The following XRRA1 variants were observed in gnomAD, a reference collection of about 807,000 sequenced individuals.
The protein encoded by XRRA1 is X-ray radiation resistance associated 1.
A neutral mutation model predicts 80.2 loss-of-function variants in XRRA1; 69 were observed. That is an observed-to-expected ratio of 0.86 (90% CI 0.71 to 1.05). The LOEUF is 1.05. XRRA1 is among the 50% of genes least tolerant of loss of function. The pLI is 0.00. For synonymous variants in XRRA1, 348 were observed against 389.9 expected, an observed-to-expected ratio of 0.89 and a Z score of 1.27; for missense variants, 967 against 976.4, an observed-to-expected ratio of 0.99 and a Z score of 0.13.
At chr11:74,922,256 CAAA>C (rs398016677) in intron 7 of XRRA1, among the ~76,000 whole-genome samples, 2 of 69,636 alleles carry the variant, frequency 2.9e-5, no homozygotes, top group East Asian at 9.0e-4. Flanking sequence ...GACTCTGCCT[CAAA>C]AAAAAAAAAA....
At chr11:74,847,327 G>A (rs1049417859) in intron 15 of XRRA1, among the ~76,000 whole-genome samples, 3 of 152,166 alleles carry the variant, frequency 2.0e-5, no homozygotes, top group Non-Finnish European at 2.9e-5. Context: ...GGCAAGACTA[G>A]AGGCAGGGAG....
At chr11:74,911,534 T>A (rs1369801834) in intron 8 of XRRA1, 1 of 152,164 alleles carries the variant, frequency 6.6e-6, no homozygotes, top group East Asian at 1.9e-4. Flanking sequence ...ACAACTAGAA[T>A]GATGAATAAA....
chr11:74,936,808 A>G, intron 4 of XRRA1, 76 bp downstream of exon 4: 1 of 1,486,038 alleles, frequency 6.7e-7, no homozygotes, highest in Non-Finnish European at 9.0e-7. Flanking sequence ...GTTGTGCCAG[A>G]GCAGGGCAAA....
At chr11:74,855,352 C>T (rs2040838855) in intron 12 of XRRA1, among the ~76,000 whole-genome samples, 2 of 152,018 alleles carry the variant, frequency 1.3e-5, no homozygotes, top group Admixed American at 6.6e-5. Context: ...ATTACATTCA[C>T]CCGAACCAGG....
intron 18 of XRRA1, 153 bp from the exon 19 acceptor site, chr11:74,843,606 C>T: frequency 9.5e-7 from 1 of 1,047,792 alleles, no homozygotes; most frequent in Non-Finnish European, 1.4e-6. Flanking sequence ...CTTGGGAAGT[C>T]ACTGACTTCC....
chr11:74,843,927 C>T lies in XRRA1; in HGVS notation c.2076G>A (p.Lys692=). 1.9e-6 allele frequency: 3 copies of T among 1,613,680 alleles called. No individual in the cohort carries two copies. Among genetic ancestry groups the T allele is most frequent in the Non-Finnish European group, 2.5e-6 (3 of 1,179,780 alleles). The change falls in exon 18 of 19, where the codon AAG becomes AAA. Residue 692 remains lysine (K), a synonymous_variant. Coordinates refer to ENST00000684022, the MANE Select transcript of XRRA1 (RefSeq NM_001378157.1). Reference sequence around the variant, plus strand: ...TGTCATCCAGAAGTTGGGCTCTAGTCTTCTTTGGGGGTGGAATCGGGATTC... The same window carrying T: ...TGTCATCCAGAAGTTGGGCTCTAGTTTTCTTTGGGGGTGGAATCGGGATTC... ...AQRIPIPPPK[K]TRAQLLDDIF...
intron 16 of XRRA1, 125 bp downstream of exon 16, chr11:74,844,947 AT>A (rs1393403226): frequency 3.3e-6 from 3 of 914,706 alleles, no homozygotes; most frequent in Admixed American, 2.2e-5. Flanking sequence ...TTTGACAGGT[AT>A]TTAGACAGAG....
chr11:74,868,141 A>G (rs2043899168), intron 10 of XRRA1, among the ~76,000 whole-genome samples: 2 of 151,960 alleles, frequency 1.3e-5, no homozygotes, highest in Non-Finnish European at 2.9e-5. Context: ...CTGCTCTTGA[A>G]CTTCTGGCCT....
intron 14 of XRRA1, among the ~76,000 whole-genome samples, chr11:74,849,507 G>A (rs1004942623): frequency 3.9e-5 from 6 of 152,222 alleles, no homozygotes; most frequent in African/African-American, 1.4e-4. Flanking sequence ...ACAAGGCACA[G>A]GGCACGGACA....
Position 74,949,087 on chromosome 11 carries a change from A to C in XRRA1, c.-232T>G, listed in dbSNP as rs918865171. On this transcript the variant is annotated 5_prime_UTR_variant, in exon 1 of 19. Transcript: ENST00000684022. ...CTTAGTAACTGCGACGCGACGGCAG[A>C]CAGTGTAGGCGGCAACCGACGGCCG... The C allele has an allele frequency of 1.0e-5, 5 of 499,870 alleles. No homozygotes were observed. Among genetic ancestry groups the C allele is most frequent in the Non-Finnish European group, 1.1e-5 (3 of 282,548 alleles). The allele number at this position is 499,870 out of a possible 1,614,324, so 31.0% of individuals were successfully genotyped here.
chr11:74,843,833 G>T (rs1289654135), intron 18 of XRRA1, 21 bp downstream of exon 18: 1 of 1,588,182 alleles, frequency 6.3e-7, no homozygotes, highest in South Asian at 1.1e-5. Context: ...TGGGATCCTG[G>T]CAGCTGTGGC....
chr11:74,851,333 CGAGAATTCCTACCTCCTAG>C (rs1467857582), intron 13 of XRRA1, 130 bp from the exon 14 acceptor site: 17 of 586,182 alleles, frequency 2.9e-5, no homozygotes, highest in Middle Eastern at 5.0e-4. Context: ...GGAGGTAGGT[CGAGAATTCCTACCTCCTAG>C]GAGAATTCCT....
At chr11:74,924,180 A>G (rs1941630226) in intron 7 of XRRA1, among the ~76,000 whole-genome samples, 1 of 151,626 alleles carries the variant, frequency 6.6e-6, no homozygotes, top group Non-Finnish European at 1.5e-5. Context: ...AAATAAAAAA[A>G]AAGAGTAAGA....
rs182422492 is a variant in XRRA1, at chr11:74,866,085, C to T, written c.1004-3064G>A. 4.5e-4 allele frequency among the ~76,000 whole-genome samples: 69 copies of T among 152,238 alleles called. No individual in the cohort carries two copies. The South Asian group carries it at 7.5e-3, about 16-fold the overall frequency. On this transcript the variant is annotated intron_variant, in intron 10 of 18. Transcript: ENST00000684022. ...AATAAATACCTAATATTTCAAGGCACGGATATCATCACACTTCTACAAACA... is the reference window on the plus strand; with the variant it reads ...AATAAATACCTAATATTTCAAGGCATGGATATCATCACACTTCTACAAACA...
In XRRA1 at chr11:74,850,948, G is replaced by A. The variant is rs532990350; in HGVS notation, c.1380+140C>T. ...CATCCAGTGCTCTTCCCAAAGCAAG[G>A]AAAGGAGAAGGCAATGCTGAACCTA... On this transcript the variant is annotated intron_variant, in intron 14 of 18. Coordinates refer to ENST00000684022, the MANE Select transcript of XRRA1 (RefSeq NM_001378157.1). 5.7e-6 allele frequency: 3 copies of A among 529,310 alleles called. No homozygotes were observed. The South Asian group carries it at 8.4e-5, about 15-fold the overall frequency. 32.8% of individuals were successfully genotyped at this position (529,310 alleles called of 1,614,324 possible). A position where few individuals can be genotyped will look rare whatever the true frequency, so the allele number is the denominator to read the frequency against.
chr11:74,938,860 A>G (rs1767878566), intron 3 of XRRA1, among the ~76,000 whole-genome samples: 2 of 149,474 alleles, frequency 1.3e-5, no homozygotes, highest in South Asian at 2.1e-4. Context: ...CAATTCCTTG[A>G]AAAAAAAAAT....
chr11:74,885,323 T>TAGAG (rs2048758496), intron 10 of XRRA1, among the ~76,000 whole-genome samples: 1 of 151,856 alleles, frequency 6.6e-6, no homozygotes, highest in Admixed American at 6.6e-5. Flanking sequence ...GTTAATGAGA[T>TAGAG]AGAGACTGCT....
At chr11:74,932,225 T>G (rs1025953315) in intron 5 of XRRA1, among the ~76,000 whole-genome samples, 1 of 152,220 alleles carries the variant, frequency 6.6e-6, no homozygotes, top group Non-Finnish European at 1.5e-5. Flanking sequence ...ATATTTTTAA[T>G]TAAATTTCAT....
At chr11:74,897,344 C>A (rs1450177491) in intron 10 of XRRA1, among the ~76,000 whole-genome samples, 3 of 151,644 alleles carry the variant, frequency 2.0e-5, no homozygotes, top group Non-Finnish European at 1.5e-5. Flanking sequence ...AATAAAAAAA[C>A]AGTGAAGTAT....
Sources: allele counts gnomAD v4.1 joint callset (sites outside exome capture counted in the v4.1 genomes callset), GRCh38; gene constraint gnomAD v4.1.1; transcripts MANE v1.5; gene names NCBI Gene and HGNC (gene_info 2026-07-23, HGNC 2026-07-21).